HTT: variants seen among roughly 807,000 people sequenced by gnomAD.
The protein encoded by HTT is huntingtin, also known as huntington disease protein.
A neutral mutation model predicts 362.3 loss-of-function variants in HTT; 104 were observed. The ratio of observed to expected loss-of-function variants is 0.29; its 90% CI spans 0.24 to 0.34. The LOEUF is 0.34. Among genes scored for constraint, HTT ranks in the 10% least tolerant of loss-of-function variants. The pLI is 1.00. For synonymous variants in HTT, 1,577 were observed against 1,548.7 expected, an observed-to-expected ratio of 1.02 and a Z score of -0.43; for missense variants, 3,301 against 3,928.6, an observed-to-expected ratio of 0.84 and a Z score of 4.27.
intron 29 of HTT, among the ~76,000 whole-genome samples, chr4:3,161,700 G>T (rs1437409640): frequency 6.6e-6 from 1 of 152,120 alleles, no homozygotes; most frequent in Non-Finnish European, 1.5e-5. Flanking sequence ...TCGTATGTCT[G>T]TTGGCTGCAT....
intron 40 of HTT, among the ~76,000 whole-genome samples, chr4:3,192,911 T>A (rs1455207097): frequency 6.6e-6 from 1 of 152,268 alleles, no homozygotes; most frequent in Admixed American, 6.5e-5. Context: ...CAGTTGAGCA[T>A]CCTGGCTCTT....
chr4:3,140,525 G>A lies in HTT; in HGVS notation c.2814G>A (p.Leu938=), dbSNP rs1716293103. 1 of 1,614,030 alleles carries A rather than the reference G, an allele frequency of 6.2e-7. No homozygotes were observed. The highest frequency in any genetic ancestry group is 1.3e-5 in the African/African-American group (1 of 74,926). The change falls in exon 22 of 67, where the codon CTG becomes CTA. Residue 938 remains leucine, a synonymous_variant. Coordinates refer to ENST00000355072, the MANE Select transcript of HTT (RefSeq NM_001388492.1). The stretch of plus-strand genomic sequence containing the variant: ...TTTGTGTTAGGCTTGTCCCAAAGCT[G>A]TTTTATAAATGTGACCAAGGACAAG... ...AASLIRLVPK[L]FYKCDQGQAD...
intron 46 of HTT, 58 bp downstream of exon 46, chr4:3,208,969 G>A: frequency 1.2e-5 from 18 of 1,543,956 alleles, no homozygotes; most frequent in Non-Finnish European, 1.6e-5. Flanking sequence ...TCTGTCACCT[G>A]TGGCAGATAC....
At chr4:3,192,916 G>C (rs551018762) in intron 40 of HTT, among the ~76,000 whole-genome samples, 1 of 152,368 alleles carries the variant, frequency 6.6e-6, no homozygotes, top group South Asian at 2.1e-4. Context: ...GAGCATCCTG[G>C]CTCTTGCCTG....
intron 22 of HTT, 88 bp from the exon 23 acceptor site, chr4:3,142,678 C>G: frequency 1.5e-6 from 1 of 679,248 alleles, no homozygotes; most frequent in Non-Finnish European, 2.3e-6. Context: ...TTTTTTTAAT[C>G]TTTAATCTTA....
In HTT at chr4:3,229,768, G is replaced by A. The variant is rs868397675; in HGVS notation, c.8110-119G>A. ...ACACACACACGCACACATGCGTCCC[G>A]CACAGTAATGTCTCTTGGGTGTAAG... On this transcript the variant is annotated intron_variant, in intron 59 of 66. Transcript: ENST00000355072. 31 of 1,099,488 alleles carry A rather than the reference G, an allele frequency of 2.8e-5. No individual in the cohort carries two copies. The Middle Eastern group carries it at 1.2e-3, about 43-fold the overall frequency. 68.1% of individuals were successfully genotyped at this position (1,099,488 alleles called of 1,614,324 possible).
chr4:3,233,094 G>A, intron 60 of HTT, 69 bp from the exon 61 acceptor site: 1 of 1,367,842 alleles, frequency 7.3e-7, no homozygotes, highest in Non-Finnish European at 1.0e-6. Context: ...CCCCGCCTCG[G>A]CTGTGGGGAG....
At chr4:3,110,909 G>T (rs1714711617) in intron 6 of HTT, among the ~76,000 whole-genome samples, 1 of 152,092 alleles carries the variant, frequency 6.6e-6, no homozygotes. Context: ...TGGTTAGTTG[G>T]ATGTTGGTCC....
chr4:3,123,988 ATAT>A (rs1715410049), intron 10 of HTT, among the ~76,000 whole-genome samples: 1 of 152,198 alleles, frequency 6.6e-6, no homozygotes, highest in Non-Finnish European at 1.5e-5. Context: ...CTAATGCCTA[ATAT>A]TATTTGCAGT....
chr4:3,138,153 T>TCCCTTC (rs1179079623), intron 21 of HTT, among the ~76,000 whole-genome samples: 2 of 133,940 alleles, frequency 1.5e-5, no homozygotes, highest in South Asian at 4.4e-4. Context: ...CCTTTCCCTT[T>TCCCTTC]CCCTTCCCCT....
Position 3,188,566 on chromosome 4 carries a change from C to T in HTT, c.5226-385C>T, listed in dbSNP as rs199899465. 1.7e-5 allele frequency: 3 copies of T among 179,190 alleles called. No homozygotes were observed. In the East Asian group the frequency reaches 5.0e-4, roughly 30 times the overall value. The allele number at this position is 179,190 out of a possible 1,614,324, so 11.1% of individuals were successfully genotyped here. ...CCCTGTGTTGTCGAAGGAGATAAGC[C>T]CAGTAAGCCTGCTGGGCACCTTTTG... is the stretch of plus-strand genomic sequence containing the variant. On this transcript the variant is annotated intron_variant, in intron 39 of 66. Transcript: ENST00000355072.
intron 12 of HTT, chr4:3,129,171 T>C (rs1188827882): frequency 1.3e-5 from 2 of 152,272 alleles, no homozygotes; most frequent in African/African-American, 4.8e-5. Context: ...TGGACACTTG[T>C]ATTGCTTCAT....
In HTT at chr4:3,204,046, G is replaced by C. The variant is rs377417767; in HGVS notation, c.5616G>C (p.Gln1872His). 1.6e-4 allele frequency: 266 copies of C among 1,614,150 alleles called. 4 individuals carry two copies. The South Asian group carries it at 2.5e-3, about 15-fold the overall frequency. Residue 1872 changes from glutamine (Q) to histidine (H), a missense_variant, in exon 42 of 67, where the codon CAG becomes CAC. Transcript: ENST00000355072. ...SLSSTKLLSP[Q>H]MSGEEEDSDL... is the part of the protein sequence containing the mutation. ...CCAGCACAAAGTTACTTAGTCCCCAGATGTCTGGAGAAGAGGAGGATTCTG... is the reference window on the plus strand; with the variant it reads ...CCAGCACAAAGTTACTTAGTCCCCACATGTCTGGAGAAGAGGAGGATTCTG...
chr4:3,169,239 C>T (rs1218403513), intron 29 of HTT, among the ~76,000 whole-genome samples: 1 of 152,034 alleles, frequency 6.6e-6, no homozygotes, highest in Non-Finnish European at 1.5e-5. Flanking sequence ...AGGATGGTCT[C>T]AATCTCCTGA....
chr4:3,179,045 C>T (rs990868571), intron 35 of HTT, among the ~76,000 whole-genome samples: 7 of 152,168 alleles, frequency 4.6e-5, no homozygotes, highest in African/African-American at 1.7e-4. Context: ...GCCCTATTGA[C>T]CCCTCCCTGA....
At chr4:3,229,820 TG>T in intron 59 of HTT, 66 bp from the exon 60 acceptor site, 1 of 1,539,184 alleles carries the variant, frequency 6.5e-7, no homozygotes, top group Non-Finnish European at 9.0e-7. Flanking sequence ...AGTAGCGTTC[TG>T]GATGCGTTGC....
intron 51 of HTT, among the ~76,000 whole-genome samples, chr4:3,216,996 G>T (rs535923069): frequency 0.012 from 1,753 of 151,032 alleles, 12 homozygotes; most frequent in Non-Finnish European, 0.02. Flanking sequence ...CTGCACTCCA[G>T]CCTGGGCGAC....
At chr4:3,078,316 C>T (rs968956296) in intron 1 of HTT, among the ~76,000 whole-genome samples, 2 of 152,172 alleles carry the variant, frequency 1.3e-5, no homozygotes, top group African/African-American at 2.4e-5. Flanking sequence ...CAAAGCTCTG[C>T]CCTCGTGAAG....
At position 3,148,325 on chromosome 4, in the gene HTT, T is replaced by C. The variant is rs1716708187; in HGVS notation, c.3498+118T>C. On this transcript the variant is annotated intron_variant, in intron 26 of 66. Transcript: ENST00000355072. ...TCTTTTTGCTTTAAATGAACAAAAT[T>C]GCTCAGATTGTGACACTAAATTTAA... is the stretch of plus-strand genomic sequence containing the variant. The C allele has an allele frequency of 4.0e-6, 3 of 758,826 alleles. No individual in the cohort carries two copies. In the East Asian group the frequency reaches 8.2e-5, roughly 21 times the overall value. 47.0% of individuals were successfully genotyped at this position (758,826 alleles called of 1,614,324 possible). A position where few individuals can be genotyped will look rare whatever the true frequency, so the allele number is the denominator to read the frequency against.
Sources: allele counts gnomAD v4.1 joint callset (sites outside exome capture counted in the v4.1 genomes callset), GRCh38; gene constraint gnomAD v4.1.1; transcripts MANE v1.5; gene names NCBI Gene and HGNC (gene_info 2026-07-23, HGNC 2026-07-21).